The following STAT4 variants were observed in gnomAD, a reference collection of about 807,000 sequenced individuals.
The protein encoded by STAT4 is signal transducer and activator of transcription 4.
In STAT4, 42 loss-of-function variants were observed where a neutral mutation model predicts 110.5. The ratio of observed to expected loss-of-function variants is 0.38; its 90% CI spans 0.30 to 0.49. The LOEUF (loss-of-function observed/expected upper bound fraction) is 0.49. Among genes scored for constraint, STAT4 ranks in the 20% least tolerant of loss-of-function variants. The pLI, the probability that STAT4 is intolerant of heterozygous loss-of-function variation, is 0.95. For synonymous variants in STAT4, 284 were observed against 302.2 expected (o/e 0.94, Z 0.63); for missense variants, 632 against 887.9 (o/e 0.71, Z 3.66).
At chr2:191,034,523 A>G (rs1695992240) in intron 18 of STAT4, 25 bp downstream of exon 18, 2 of 1,592,442 alleles carry the variant, frequency 1.3e-6, no homozygotes, top group African/African-American at 2.7e-5. Flanking sequence ...ATGTATCTAA[A>G]TGATGTTTCC....
At position 191,050,156 on chromosome 2, in the gene STAT4, CAA is replaced by C. The variant is rs1696479288; in HGVS notation, c.1251+4332_1251+4333del. Among the ~76,000 whole-genome samples the C allele has an allele frequency of 6.6e-6, 1 of 152,226 alleles. No homozygotes were observed. The highest frequency in any genetic ancestry group is 2.4e-5 in the African/African-American group (1 of 41,464). On this transcript the variant is annotated intron_variant, in intron 14 of 23. Coordinates refer to ENST00000392320, the MANE Select transcript of STAT4 (RefSeq NM_003151.4). The surrounding 1 kb of genome is among the most constrained non-coding windows in gnomAD (Gnocchi z 4.3). Reference sequence around the variant, plus strand: ...TCATTTATCAGTTAAAGCCCACTGACAAAGAGCAAACTGGAGAAACTGCAATT... The same window carrying C: ...TCATTTATCAGTTAAAGCCCACTGACAGAGCAAACTGGAGAAACTGCAATT...
chr2:191,051,768 G>T lies in STAT4; in HGVS notation c.1251+2722C>A, dbSNP rs529366314. Among the ~76,000 whole-genome samples, 63 of 151,724 alleles carry T rather than the reference G, an allele frequency of 4.2e-4. 2 individuals are homozygous for T. In the South Asian group the frequency reaches 0.013, roughly 31 times the overall value. On this transcript the variant is annotated intron_variant, in intron 14 of 23. Transcript: ENST00000392320. This position sits in a 1 kb window ranked among gnomAD's most constrained non-coding sequence, Gnocchi z 5.6. Reference sequence around the variant, plus strand: ...CGACCCAGAGGCAGCATAGCAGAGGGGCCAGGAGCAGGGACACGGGATCAG... The same window carrying T: ...CGACCCAGAGGCAGCATAGCAGAGGTGCCAGGAGCAGGGACACGGGATCAG...
rs1696247960 is a variant in STAT4 at position 191,042,905 on chromosome 2, G to A, written c.1252-1757C>T. Among the ~76,000 whole-genome samples, 1 of 151,960 alleles carries A rather than the reference G, an allele frequency of 6.6e-6. No homozygotes were observed. Among genetic ancestry groups the A allele is most frequent in the Non-Finnish European group, 1.5e-5 (1 of 68,014 alleles). On this transcript the variant is annotated intron_variant, in intron 14 of 23. Transcript: ENST00000392320. This position sits in a 1 kb window ranked among gnomAD's most constrained non-coding sequence, Gnocchi z 4.2. The stretch of plus-strand genomic sequence containing the variant: ...AGTGATTCTCCTGCCTCAGCCTTCT[G>A]AGTAGCTGGGATTACAGGCATGCGC...
intron 14 of STAT4, among the ~76,000 whole-genome samples, chr2:191,052,356 A>G (rs914408659): frequency 3.3e-5 from 5 of 152,242 alleles, no homozygotes; most frequent in Non-Finnish European, 7.3e-5. Context: ...GGTGGAGCTC[A>G]AAGAATAGCT....
chr2:191,071,450 T>C (rs570634168), intron 5 of STAT4, among the ~76,000 whole-genome samples: 1 of 152,308 alleles, frequency 6.6e-6, no homozygotes, highest in African/African-American at 2.4e-5. Flanking sequence ...AGATATACTG[T>C]GGTTCCATCT....
chr2:191,121,933 T>C (rs1698747161), intron 3 of STAT4: 1 of 151,928 alleles, frequency 6.6e-6, no homozygotes, highest in African/African-American at 2.4e-5. Context: ...ATAATACTAA[T>C]AAAAAAGAGG....
chr2:191,066,382 A>C lies in STAT4; in HGVS notation c.630+48T>G, dbSNP rs1696986175. 6.6e-7 allele frequency: 1 copy of C among 1,518,558 alleles called. No individual in the cohort carries two copies. The highest frequency in any genetic ancestry group is 1.4e-5 in the African/African-American group (1 of 72,850). 94.1% of individuals were successfully genotyped at this position (1,518,558 alleles called of 1,614,324 possible). Reference sequence around the variant, plus strand: ...TATTTTCAGTTAGTCTAAGTTTAGAAAAAAGGAGAAAAATAGGCAAAAGCC... The same window carrying C: ...TATTTTCAGTTAGTCTAAGTTTAGACAAAAGGAGAAAAATAGGCAAAAGCC... On this transcript the variant is annotated intron_variant, in intron 7 of 23. Transcript: ENST00000392320. The surrounding 1 kb of genome is among the most constrained non-coding windows in gnomAD (Gnocchi z 4.3).
chr2:191,130,003 G>A (rs1286087830), intron 3 of STAT4, among the ~76,000 whole-genome samples: 1 of 152,078 alleles, frequency 6.6e-6, no homozygotes, highest in Non-Finnish European at 1.5e-5. Flanking sequence ...ATTTTGCCAA[G>A]TATGCTTAGT....
intron 3 of STAT4, among the ~76,000 whole-genome samples, chr2:191,124,815 C>T (rs1698833655): frequency 6.6e-6 from 1 of 152,216 alleles, no homozygotes; most frequent in African/African-American, 2.4e-5. Context: ...AATTCTCTCA[C>T]AAGTCCAGAA....
At chr2:191,071,228 A>G (rs764210158) in intron 5 of STAT4, among the ~76,000 whole-genome samples, 78 of 152,198 alleles carry the variant, frequency 5.1e-4, no homozygotes, top group Admixed American at 2.4e-3. Context: ...GTCATATAAT[A>G]ATACATACTC....
Position 191,110,085 on chromosome 2 carries a change from C to T in STAT4, c.274-33760G>A, listed in dbSNP as rs1698385116. ...TCCAACCACTGCACCTTCCACAGGG[C>T]CCTGCATCAGATGCTGGCCGCACAG... On this transcript the variant is annotated intron_variant, in intron 3 of 23. Coordinates refer to ENST00000392320, the MANE Select transcript of STAT4 (RefSeq NM_003151.4). The surrounding 1 kb of genome is among the most constrained non-coding windows in gnomAD (Gnocchi z 4.5). Among the ~76,000 whole-genome samples the T allele has an allele frequency of 6.6e-6, 1 of 152,268 alleles. No individual in the cohort carries two copies. The highest frequency in any genetic ancestry group is 1.9e-4 in the East Asian group (1 of 5,188).
Position 191,147,357 on chromosome 2 carries a change from A to T in STAT4, c.129-600T>A, listed in dbSNP as rs1435237982. 6.6e-6 allele frequency among the ~76,000 whole-genome samples: 1 copy of T among 152,244 alleles called. No individual in the cohort carries two copies. The highest frequency in any genetic ancestry group is 2.4e-5 in the African/African-American group (1 of 41,474). The stretch of plus-strand genomic sequence containing the variant: ...AGAAAATTCTGATATGATACCTGTT[A>T]AACATGAATGAATTTTGAAAACATT... On this transcript the variant is annotated intron_variant, in intron 2 of 23. Transcript: ENST00000392320. The surrounding 1 kb of genome is among the most constrained non-coding windows in gnomAD (Gnocchi z 4.1).
chr2:191,048,717 C>T (rs185738086), intron 14 of STAT4, among the ~76,000 whole-genome samples: 171 of 122,482 alleles, frequency 1.4e-3, no homozygotes, highest in African/African-American at 4.7e-3. Context: ...ACCCTGGAGG[C>T]GGAGGTTGCA....
intron 3 of STAT4, among the ~76,000 whole-genome samples, chr2:191,124,773 C>T (rs1698833155): frequency 6.6e-6 from 1 of 152,182 alleles, no homozygotes; most frequent in South Asian, 2.1e-4. Flanking sequence ...CACTTTCTCA[C>T]ATTTACTCAT....
At chr2:191,070,419 C>A (rs1438642629) in intron 5 of STAT4, among the ~76,000 whole-genome samples, 2 of 152,052 alleles carry the variant, frequency 1.3e-5, no homozygotes, top group South Asian at 4.1e-4. Context: ...CTCACTTTTA[C>A]AGAGGAAGAA....
intron 3 of STAT4, among the ~76,000 whole-genome samples, chr2:191,100,693 A>C (rs779591699): frequency 6.6e-6 from 1 of 152,052 alleles, no homozygotes; most frequent in Non-Finnish European, 1.5e-5. Flanking sequence ...AGTCAGATAT[A>C]TCAACCTCTT....
At chr2:191,151,297 C>T (rs1436055845), upstream of STAT4, 2 of 985,430 alleles carry the variant, frequency 2.0e-6, no homozygotes, top group African/African-American at 1.7e-5. The surrounding 1 kb of genome is among the most constrained non-coding windows in gnomAD (Gnocchi z 4.7). Context: ...TCAGTGGTTT[C>T]CTTAGACAAT....
intron 3 of STAT4, among the ~76,000 whole-genome samples, chr2:191,081,912 T>C (rs926018525): frequency 1.3e-5 from 2 of 152,138 alleles, no homozygotes; most frequent in African/African-American, 2.4e-5. Flanking sequence ...ATATTATCAT[T>C]TTTCCTCACT....
intron 3 of STAT4, chr2:191,122,201 T>TA (rs1402896427): frequency 2.0e-5 from 3 of 150,286 alleles, no homozygotes; most frequent in Non-Finnish European, 3.0e-5. Context: ...TACAAAAATT[T>TA]AAAAAAATAA....
Sources: allele counts gnomAD v4.1 joint callset (sites outside exome capture counted in the v4.1 genomes callset), GRCh38; gene constraint gnomAD v4.1.1; non-coding constraint Gnocchi (gnomAD v3.1); transcripts MANE v1.5; gene names NCBI Gene and HGNC (gene_info 2026-07-23, HGNC 2026-07-21).